TG: variants seen among roughly 807,000 people sequenced by gnomAD.
TG encodes thyroglobulin.
A neutral mutation model predicts 324.7 loss-of-function variants in TG; 270 were observed. The observed-to-expected ratio is 0.83, with a 90% CI of 0.75 to 0.92. TG has a LOEUF of 0.92. Among genes scored for constraint, TG ranks in the 40% least tolerant of loss-of-function variants. The pLI is 0.00. For synonymous variants in TG, 1,401 were observed against 1,327.0 expected (o/e 1.06, Z -1.21); for missense variants, 3,591 against 3,456.4 (o/e 1.04, Z -0.98).
At chr8:132,994,668 A>G in intron 35 of TG, 2 of 1,284,974 alleles carry the variant, frequency 1.6e-6, no homozygotes, top group Non-Finnish European at 2.0e-6. Context: ...GACCTCCTGA[A>G]GGAACTCAGT....
At chr8:133,107,801 C>T (rs1357852121) in intron 43 of TG, among the ~76,000 whole-genome samples, 1 of 152,144 alleles carries the variant, frequency 6.6e-6, no homozygotes, top group Non-Finnish European at 1.5e-5. Flanking sequence ...GGCCTCATCC[C>T]TCCAGCTACC....
At chr8:133,090,717 C>A (rs527633994) in intron 41 of TG, among the ~76,000 whole-genome samples, 6 of 152,128 alleles carry the variant, frequency 3.9e-5, no homozygotes, top group African/African-American at 1.4e-4. Flanking sequence ...GCTCTGTGAA[C>A]GCTGATCATA....
intron 35 of TG, among the ~76,000 whole-genome samples, chr8:132,984,402 A>G (rs529304380): frequency 2.0e-5 from 3 of 152,344 alleles, no homozygotes; most frequent in South Asian, 2.1e-4. Context: ...TGAGCCTTCT[A>G]TAGAAACTGT....
At chr8:133,034,616 G>T (rs1836911996) in intron 41 of TG, among the ~76,000 whole-genome samples, 1 of 152,102 alleles carries the variant, frequency 6.6e-6, no homozygotes, top group African/African-American at 2.4e-5. Context: ...AGGAGACCCA[G>T]TACTAAAGCA....
At chr8:133,126,610 G>T (rs992692064) in intron 45 of TG, among the ~76,000 whole-genome samples, 3 of 151,986 alleles carry the variant, frequency 2.0e-5, no homozygotes, top group African/African-American at 7.3e-5. Flanking sequence ...GTACATCAGG[G>T]AGCTTATTTT....
intron 41 of TG, among the ~76,000 whole-genome samples, chr8:133,094,201 C>T (rs1250109940): frequency 6.6e-6 from 1 of 151,986 alleles, no homozygotes; most frequent in African/African-American, 2.4e-5. Flanking sequence ...GAACCCAGCT[C>T]CTACCACTTT....
At chr8:133,061,644 C>T (rs1842381293) in intron 41 of TG, among the ~76,000 whole-genome samples, 1 of 152,180 alleles carries the variant, frequency 6.6e-6, no homozygotes, top group South Asian at 2.1e-4. Flanking sequence ...AGAGACGGAA[C>T]AGGGTCCCCC....
intron 43 of TG, among the ~76,000 whole-genome samples, chr8:133,107,176 A>G (rs146785529): frequency 2.0e-3 from 306 of 152,302 alleles, no homozygotes; most frequent in African/African-American, 7.2e-3. Flanking sequence ...TCCACTGAAC[A>G]CATTTGTTCA....
chr8:133,086,224 T>C (rs1487147254), intron 41 of TG, among the ~76,000 whole-genome samples: 2 of 152,206 alleles, frequency 1.3e-5, no homozygotes, highest in African/African-American at 4.8e-5. Flanking sequence ...GGGGAATGAC[T>C]GCTAATGGGT....
In TG at chr8:132,881,922, G is replaced by A. The variant is rs886062701; in HGVS notation, c.698G>A (p.Gly233Glu). ...SFQRRFPEVS[G>E]YCHCADSQGR... is the part of the protein sequence containing the mutation. ...CAGAGGAGGTTCCCTGAGGTATCTGGGTATTGCCACTGTGCTGACAGCCAA... is the reference window on the plus strand; with the variant it reads ...CAGAGGAGGTTCCCTGAGGTATCTGAGTATTGCCACTGTGCTGACAGCCAA... Residue 233 changes from glycine (G) to glutamate (E), a missense_variant, in exon 6 of 48, where the codon GGG (glycine) becomes GAG (glutamate). Physicochemically the swap from Gly to Glu is moderately conservative, Grantham distance 98 (BLOSUM62 -2). Transcript: ENST00000220616. 6.2e-7 allele frequency: 1 copy of A among 1,614,182 alleles called. No individual in the cohort carries two copies.
Position 132,887,149 on chromosome 8 carries a change from A to G in TG, c.1777A>G (p.Arg593Gly). Residue 593 changes from arginine (R) to glycine (G), a missense_variant, in exon 9 of 48, where the codon AGA becomes GGA. Coordinates refer to ENST00000220616, the MANE Select transcript of TG (RefSeq NM_003235.5). ...TATCTCTGTGCCAGAAGATGTGGCA[A>G]GAGATTTAGGTGATGTGATGGAAAC... ...HAISVPEDVA[R>G]DLGDVMETVL... The G allele has an allele frequency of 6.2e-7, 1 of 1,612,632 alleles. No homozygotes were observed. The highest frequency in any genetic ancestry group is 1.3e-5 in the African/African-American group (1 of 74,980).
chr8:133,075,628 A>G (rs113350165), intron 41 of TG, among the ~76,000 whole-genome samples: 3,671 of 152,270 alleles, frequency 0.024, 151 homozygotes, highest in African/African-American at 0.084. Flanking sequence ...TCGTATCATG[A>G]CGGCTATATC....
chr8:132,877,445 C>G (rs911421449), intron 5 of TG, among the ~76,000 whole-genome samples: 1 of 152,126 alleles, frequency 6.6e-6, no homozygotes, highest in Admixed American at 6.5e-5. Context: ...ACGGCCCGCT[C>G]TTTTAAGGAG....
At chr8:132,954,356 A>G (rs1179637987) in intron 27 of TG, among the ~76,000 whole-genome samples, 2 of 152,228 alleles carry the variant, frequency 1.3e-5, no homozygotes, top group Non-Finnish European at 2.9e-5. Context: ...TTCCCCCAGA[A>G]TCAACCATGA....
At chr8:133,033,587 T>A (rs1342571727) in intron 41 of TG, among the ~76,000 whole-genome samples, 1 of 152,192 alleles carries the variant, frequency 6.6e-6, no homozygotes, top group African/African-American at 2.4e-5. Flanking sequence ...CATTCCTGCA[T>A]GAATCCTGCA....
chr8:133,012,941 G>A (rs1243420078), intron 36 of TG, among the ~76,000 whole-genome samples: 1 of 152,336 alleles, frequency 6.6e-6, no homozygotes, highest in East Asian at 1.9e-4. Flanking sequence ...AAGGGAAAGG[G>A]CATGGTCCCT....
rs988177081 is a variant in TG, at chr8:133,039,002, T to C, written c.7239+8979T>C. ...AAGCGATTCTCCCTCCTTAGCCTCC[T>C]GAGTAGCTGGGATTACAACCATCCA... On this transcript the variant is annotated intron_variant, in intron 41 of 47. Transcript: ENST00000220616. Among the ~76,000 whole-genome samples, 8 of 152,144 alleles carry C rather than the reference T, an allele frequency of 5.3e-5. 1 individual carries two copies. Among genetic ancestry groups the C allele is most frequent in the Non-Finnish European group, 1.0e-4 (7 of 68,020 alleles).
intron 45 of TG, among the ~76,000 whole-genome samples, chr8:133,119,862 A>C (rs1395719314): frequency 6.6e-6 from 1 of 152,188 alleles, no homozygotes; most frequent in Non-Finnish European, 1.5e-5. Flanking sequence ...TAGAACTATA[A>C]TTTCAGCCTG....
At chr8:133,112,120 AGGAGTGGCTGTGCCCACC>A (rs1850299905) in intron 43 of TG, among the ~76,000 whole-genome samples, 1 of 151,510 alleles carries the variant, frequency 6.6e-6, no homozygotes, top group Non-Finnish European at 1.5e-5. Flanking sequence ...GTGCCCACCC[AGGAGTGGCTGTGCCCACC>A]CAGGAGGGGC....
Sources: allele counts gnomAD v4.1 joint callset (sites outside exome capture counted in the v4.1 genomes callset), GRCh38; gene constraint gnomAD v4.1.1; transcripts MANE v1.5; gene names NCBI Gene and HGNC (gene_info 2026-07-23, HGNC 2026-07-21).